Variants in CLPB observed in about 807,000 individuals in gnomAD.
The protein encoded by CLPB is ClpB family mitochondrial disaggregase.
In CLPB, 40 loss-of-function variants were observed where a neutral mutation model predicts 78.4. The ratio of observed to expected loss-of-function variants is 0.51; its 90% CI spans 0.40 to 0.66. CLPB has a LOEUF of 0.66. Among genes scored for constraint, CLPB ranks in the 30% least tolerant of loss-of-function variants. The pLI is 0.00. For missense variants in CLPB, 780 were observed against 886.9 expected (o/e 0.88, Z 1.53); for synonymous variants, 333 against 348.0 (o/e 0.96, Z 0.48).
At chr11:72,377,419 C>T (rs1255682060) in intron 4 of CLPB, among the ~76,000 whole-genome samples, 1 of 152,144 alleles carries the variant, frequency 6.6e-6, no homozygotes, top group African/African-American at 2.4e-5. Context: ...AGTGAATCCA[C>T]AGGAAGCCTA....
At chr11:72,329,151 C>T (rs1253401946) in intron 6 of CLPB, among the ~76,000 whole-genome samples, 4 of 152,052 alleles carry the variant, frequency 2.6e-5, no homozygotes, top group African/African-American at 4.8e-5. Context: ...AAGACTTAGC[C>T]CTGTTTTCAG....
chr11:72,320,631 A>G (rs1325715468), intron 6 of CLPB, among the ~76,000 whole-genome samples: 1 of 152,224 alleles, frequency 6.6e-6, no homozygotes, highest in Non-Finnish European at 1.5e-5. Context: ...GCAGAAGATT[A>G]CTGCTTCATG....
At chr11:72,373,931 G>C (rs368758017) in intron 4 of CLPB, among the ~76,000 whole-genome samples, 1 of 136,336 alleles carries the variant, frequency 7.3e-6, no homozygotes, top group Admixed American at 8.2e-5. Context: ...TTGCACTCCA[G>C]TCTGGGTAAC....
At chr11:72,429,857 C>G (rs1165133912) in intron 2 of CLPB, among the ~76,000 whole-genome samples, 2 of 152,262 alleles carry the variant, frequency 1.3e-5, no homozygotes, top group Non-Finnish European at 2.9e-5. Context: ...GGGCCCCTGG[C>G]CCTGCAGGCA....
chr11:72,346,930 G>A (rs983814012), intron 5 of CLPB, among the ~76,000 whole-genome samples: 11 of 144,886 alleles, frequency 7.6e-5, no homozygotes, highest in Non-Finnish European at 1.3e-4. Flanking sequence ...GCGATGAGCC[G>A]AGATCACGAC....
intron 4 of CLPB, among the ~76,000 whole-genome samples, chr11:72,373,390 T>C (rs902458658): frequency 3.3e-5 from 5 of 152,180 alleles, no homozygotes; most frequent in African/African-American, 7.2e-5. Context: ...ACTAATTTAT[T>C]ACCTCCTCCA....
chr11:72,429,151 C>G (rs879485695), intron 2 of CLPB: 1 of 152,196 alleles, frequency 6.6e-6, no homozygotes, highest in African/African-American at 2.4e-5. Flanking sequence ...TTATGAATGG[C>G]TCTTATAACA....
At chr11:72,401,924 G>T (rs996897887) in intron 3 of CLPB, among the ~76,000 whole-genome samples, 3 of 152,084 alleles carry the variant, frequency 2.0e-5, no homozygotes, top group Non-Finnish European at 4.4e-5. Context: ...GCACTAGGCT[G>T]GTATCTGGCA....
intron 5 of CLPB, among the ~76,000 whole-genome samples, chr11:72,340,612 C>T (rs781654753): frequency 1.3e-5 from 2 of 152,176 alleles, no homozygotes; most frequent in African/African-American, 4.8e-5. Flanking sequence ...ATTCATTCAA[C>T]CAAGCAACCA....
intron 5 of CLPB, chr11:72,332,919 CAA>C (rs1261416615): frequency 1.3e-5 from 2 of 152,194 alleles, no homozygotes; most frequent in Non-Finnish European, 2.9e-5. Flanking sequence ...CATTCACACA[CAA>C]GTCTTTGTGT....
At chr11:72,306,330 G>A (rs1247600223) in intron 9 of CLPB, among the ~76,000 whole-genome samples, 3 of 152,220 alleles carry the variant, frequency 2.0e-5, no homozygotes, top group Non-Finnish European at 4.4e-5. Context: ...CCACTTGGCT[G>A]GCAGAGGCCC....
At chr11:72,348,214 C>T (rs1950549161) in intron 5 of CLPB, among the ~76,000 whole-genome samples, 1 of 152,204 alleles carries the variant, frequency 6.6e-6, no homozygotes, top group African/African-American at 2.4e-5. Context: ...GGAAGGGAGA[C>T]TTCCTTTCCA....
intron 11 of CLPB, among the ~76,000 whole-genome samples, chr11:72,297,702 TGA>T (rs1949581328): frequency 7.7e-6 from 1 of 129,658 alleles, no homozygotes; most frequent in Non-Finnish European, 1.7e-5. Flanking sequence ...TGTGTGTGTG[TGA>T]CATGTCCAAG....
rs766759416 is a variant in CLPB, at chr11:72,358,898, T to C, written c.757A>G (p.Lys253Glu). The C allele has an allele frequency of 4.5e-6, 7 of 1,542,784 alleles. No individual in the cohort carries two copies. Among genetic ancestry groups the C allele is most frequent in the African/African-American group, 1.4e-5 (1 of 71,026 alleles). Residue 253 changes from lysine (K) to glutamate (E), a missense_variant, in exon 5 of 16, where the codon AAG becomes GAG. Transcript: ENST00000538039. ...CTCTCACCTCCATCAAGCAGCTCCTTGACAGTGCGGTAGTCATCAGCAAGA... is the reference window on the plus strand; with the variant it reads ...CTCTCACCTCCATCAAGCAGCTCCTCGACAGTGCGGTAGTCATCAGCAAGA... ...AVLADDYRTV[K>E]ELLDGGANPL...
intron 4 of CLPB, among the ~76,000 whole-genome samples, chr11:72,378,619 C>A (rs566774245): frequency 1.6e-4 from 25 of 152,242 alleles, no homozygotes; most frequent in African/African-American, 5.5e-4. Context: ...TACAGCCAAA[C>A]CATATCAGCA....
At chr11:72,390,515 C>G (rs1855222711) in intron 3 of CLPB, among the ~76,000 whole-genome samples, 1 of 148,624 alleles carries the variant, frequency 6.7e-6, no homozygotes, top group Non-Finnish European at 1.5e-5. Context: ...GCAAAGATAT[C>G]AACAGCCAAT....
At chr11:72,387,857 C>A (rs1808546993) in intron 3 of CLPB, among the ~76,000 whole-genome samples, 1 of 152,104 alleles carries the variant, frequency 6.6e-6, no homozygotes, top group Non-Finnish European at 1.5e-5. Flanking sequence ...ATCCAAGTGT[C>A]GATCTAAACT....
chr11:72,311,314 AGTT>A (rs1482362437), intron 7 of CLPB, among the ~76,000 whole-genome samples: 3 of 152,164 alleles, frequency 2.0e-5, no homozygotes, highest in Non-Finnish European at 4.4e-5. Flanking sequence ...AGGTGGCCAT[AGTT>A]GTTGTTGCTC....
intron 5 of CLPB, among the ~76,000 whole-genome samples, chr11:72,341,112 G>A (rs184421655): frequency 1.4e-4 from 22 of 152,288 alleles, no homozygotes; most frequent in African/African-American, 4.3e-4. Flanking sequence ...GAGCCACCGC[G>A]CCTGGCAAGT....
Sources: allele counts gnomAD v4.1 joint callset (sites outside exome capture counted in the v4.1 genomes callset), GRCh38; gene constraint gnomAD v4.1.1; transcripts MANE v1.5; gene names NCBI Gene and HGNC (gene_info 2026-07-23, HGNC 2026-07-21).